Variants in EFCAB11 observed in about 807,000 individuals in gnomAD.
The protein encoded by EFCAB11 is EF-hand calcium binding domain 11, also known as EF-hand calcium-binding domain-containing protein 11.
Under a neutral mutation model 23.0 loss-of-function variants are expected in EFCAB11, and 14 were observed. The observed-to-expected ratio is 0.61, with a 90% CI of 0.40 to 0.95. The LOEUF is 0.95. Among genes scored for constraint, EFCAB11 ranks in the 40% least tolerant of loss-of-function variants. The pLI is 0.00. For missense variants in EFCAB11, 198 were observed against 195.8 expected (o/e 1.01, Z -0.07); for synonymous variants, 65 against 66.6 (o/e 0.98, Z 0.11).
At chr14:89,838,030 G>A (rs556436520) in intron 5 of EFCAB11, among the ~76,000 whole-genome samples, 3 of 152,162 alleles carry the variant, frequency 2.0e-5, no homozygotes, top group Admixed American at 1.3e-4. Flanking sequence ...CTTATGAATT[G>A]TTTCAGAGCT....
chr14:89,807,139 A>C (rs1885995414), intron 5 of EFCAB11, among the ~76,000 whole-genome samples: 1 of 152,260 alleles, frequency 6.6e-6, no homozygotes, highest in Admixed American at 6.5e-5. Context: ...CAATCATTTA[A>C]TCTCTTAAGA....
rs1885536648 is a variant in EFCAB11, at chr14:89,795,160, T to C, written c.*2083A>G. ...GCCCAGCTAATCTTTTTTTGTTTTT[T>C]GTATTTTTAGTAGAGACGGGGTTTC... On this transcript the variant is annotated 3_prime_UTR_variant, in exon 6 of 6. Transcript: ENST00000316738. 6.6e-6 allele frequency: 1 copy of C among 151,404 alleles called. No individual in the cohort carries two copies. The highest frequency in any genetic ancestry group is 2.4e-5 in the African/African-American group (1 of 41,304). 9.4% of individuals were successfully genotyped at this position (151,404 alleles called of 1,614,324 possible). A position where few individuals can be genotyped will look rare whatever the true frequency, so the allele number is the denominator to read the frequency against.
intron 4 of EFCAB11, among the ~76,000 whole-genome samples, chr14:89,932,115 G>A (rs776165950): frequency 6.6e-6 from 1 of 152,036 alleles, no homozygotes; most frequent in Non-Finnish European, 1.5e-5. Flanking sequence ...TGGGGCCTAG[G>A]GGGTCTACAG....
chr14:89,816,849 A>G (rs1659958419), intron 5 of EFCAB11, among the ~76,000 whole-genome samples: 1 of 152,160 alleles, frequency 6.6e-6, no homozygotes. Flanking sequence ...ATGCAAGGAT[A>G]ATTATCATAT....
rs375735374 is a variant in EFCAB11, at chr14:89,878,324, T to G, written c.410+53217A>C. Reference sequence around the variant, plus strand: ...TTTAACTGCCAGGTATGGGATGAATTAATTTACTTGTTTATTTTTAAATGC... The same window carrying G: ...TTTAACTGCCAGGTATGGGATGAATGAATTTACTTGTTTATTTTTAAATGC... On this transcript the variant is annotated intron_variant, in intron 5 of 5. Transcript: ENST00000316738. Among the ~76,000 whole-genome samples the G allele has an allele frequency of 3.0e-3, 460 of 152,312 alleles. 2 individuals are homozygous for G. Among genetic ancestry groups the G allele is most frequent in the African/African-American group, 0.01 (427 of 41,566 alleles).
chr14:89,877,267 T>C (rs1888469038), intron 5 of EFCAB11, among the ~76,000 whole-genome samples: 1 of 152,126 alleles, frequency 6.6e-6, no homozygotes, highest in African/African-American at 2.4e-5. Flanking sequence ...CTTGAACTCC[T>C]GACTTTGTGA....
At chr14:89,825,382 T>A (rs947526953) in intron 5 of EFCAB11, among the ~76,000 whole-genome samples, 1 of 152,042 alleles carries the variant, frequency 6.6e-6, no homozygotes, top group Non-Finnish European at 1.5e-5. Context: ...TGCCTACATT[T>A]GAAAAGACTA....
chr14:89,829,695 C>T (rs1405621195), intron 5 of EFCAB11: 2 of 152,152 alleles, frequency 1.3e-5, no homozygotes, highest in African/African-American at 4.8e-5. Flanking sequence ...CTTGGAAGAA[C>T]AGTTTCTGCA....
At chr14:89,818,856 A>C (rs1034397422) in intron 5 of EFCAB11, among the ~76,000 whole-genome samples, 16 of 152,336 alleles carry the variant, frequency 1.1e-4, no homozygotes, top group East Asian at 7.7e-4. Flanking sequence ...AAAATGGCTA[A>C]ATTTACAAAG....
At chr14:89,902,227 G>A (rs1889362258) in intron 5 of EFCAB11, among the ~76,000 whole-genome samples, 1 of 152,008 alleles carries the variant, frequency 6.6e-6, no homozygotes, top group Non-Finnish European at 1.5e-5. Context: ...TCGTCATTTA[G>A]GTCTCAGTTC....
At chr14:89,952,927 C>G (rs186446074) in intron 2 of EFCAB11, among the ~76,000 whole-genome samples, 6 of 152,132 alleles carry the variant, frequency 3.9e-5, no homozygotes, top group Non-Finnish European at 4.4e-5. Flanking sequence ...TCCAGCTTAA[C>G]AAGAAGGGTG....
At chr14:89,864,570 G>A (rs1336220196) in intron 5 of EFCAB11, among the ~76,000 whole-genome samples, 1 of 151,960 alleles carries the variant, frequency 6.6e-6, no homozygotes, top group Non-Finnish European at 1.5e-5. Flanking sequence ...TGGGACTACA[G>A]GTGCACGTCA....
chr14:89,924,686 A>C, intron 5 of EFCAB11: 5 of 1,535,764 alleles, frequency 3.3e-6, no homozygotes, highest in African/African-American at 2.7e-5. Flanking sequence ...CTCTGAAATA[A>C]AGCAAAAAGA....
chr14:89,836,864 A>T (rs1453414677), intron 5 of EFCAB11, among the ~76,000 whole-genome samples: 1 of 152,116 alleles, frequency 6.6e-6, no homozygotes, highest in African/African-American at 2.4e-5. Context: ...ACTAAAAATT[A>T]AAAAATTAGG....
intron 3 of EFCAB11, among the ~76,000 whole-genome samples, chr14:89,944,306 T>C (rs1172139431): frequency 1.3e-5 from 2 of 152,206 alleles, no homozygotes; most frequent in Non-Finnish European, 2.9e-5. Flanking sequence ...GTGAGACTTA[T>C]TCACTATCAC....
intron 5 of EFCAB11, among the ~76,000 whole-genome samples, chr14:89,834,040 T>C (rs1232586489): frequency 1.3e-5 from 2 of 152,160 alleles, no homozygotes; most frequent in Non-Finnish European, 1.5e-5. Context: ...TCATTTATAA[T>C]TGGAAATGTG....
intron 5 of EFCAB11, among the ~76,000 whole-genome samples, chr14:89,804,139 G>A (rs1480499452): frequency 1.3e-5 from 2 of 152,132 alleles, no homozygotes; most frequent in East Asian, 3.9e-4. Context: ...TTGCTGTTTG[G>A]GACTGCTCTG....
chr14:89,846,853 G>A (rs541384443), intron 5 of EFCAB11, among the ~76,000 whole-genome samples: 4 of 152,092 alleles, frequency 2.6e-5, no homozygotes, highest in African/African-American at 4.8e-5. Flanking sequence ...AACCTAAAAA[G>A]CCCAATCCTG....
chr14:89,840,475 G>C (rs1448308536), intron 5 of EFCAB11, among the ~76,000 whole-genome samples: 4 of 152,192 alleles, frequency 2.6e-5, no homozygotes, highest in African/African-American at 9.7e-5. Flanking sequence ...GCATGTTCAA[G>C]TCTTAGGAGG....
Sources: allele counts gnomAD v4.1 joint callset (sites outside exome capture counted in the v4.1 genomes callset), GRCh38; gene constraint gnomAD v4.1.1; transcripts MANE v1.5; gene names NCBI Gene and HGNC (gene_info 2026-07-23, HGNC 2026-07-21).